DYRK1A: variants seen among roughly 807,000 people sequenced by gnomAD.
DYRK1A encodes the protein dual specificity tyrosine phosphorylation regulated kinase 1A, also known as dual specificity tyrosine-phosphorylation-regulated kinase 1A.
A neutral mutation model predicts 79.7 loss-of-function variants in DYRK1A; 9 were observed. The ratio of observed to expected loss-of-function variants is 0.11; its 90% CI spans 0.07 to 0.20. DYRK1A has a LOEUF of 0.20. Among genes scored for constraint, DYRK1A ranks in the 10% least tolerant of loss-of-function variants. DYRK1A has a pLI of 1.00. For missense variants in DYRK1A, 622 were observed against 956.0 expected (o/e 0.65, Z 4.61); for synonymous variants, 349 against 329.7 (o/e 1.06, Z -0.63).
At chr21:37,440,356 C>T (rs1289182682) in intron 2 of DYRK1A, among the ~76,000 whole-genome samples, 6 of 151,650 alleles carry the variant, frequency 4.0e-5, no homozygotes, top group Non-Finnish European at 8.8e-5. Context: ...AGGCTGGTCT[C>T]GAACTCCTGA....
intron 8 of DYRK1A, among the ~76,000 whole-genome samples, chr21:37,495,801 T>TA (rs199953541): frequency 2.6e-5 from 4 of 152,070 alleles, no homozygotes. Flanking sequence ...AATAAGTAAA[T>TA]AAAAAAAATT....
At chr21:37,393,709 CAATATT>C (rs989041939) in intron 1 of DYRK1A, among the ~76,000 whole-genome samples, 1 of 152,210 alleles carries the variant, frequency 6.6e-6, no homozygotes, top group African/African-American at 2.4e-5. Context: ...TGGCTTAAAA[CAATATT>C]CATTTCTTTG....
rs59747783 is a variant in DYRK1A, at chr21:37,446,235, A to G, written c.10+25851A>G. Reference sequence around the variant, plus strand: ...GGGCCTCTCAACGCTCTCATTTTGCATGTAATGGATTACATTGCTGTCTTA... The same window carrying G: ...GGGCCTCTCAACGCTCTCATTTTGCGTGTAATGGATTACATTGCTGTCTTA... On this transcript the variant is annotated intron_variant, in intron 2 of 11. Transcript: ENST00000647188. Among the ~76,000 whole-genome samples the G allele has an allele frequency of 9.4e-3, 1,429 of 152,342 alleles. 12 individuals are homozygous for G. Among genetic ancestry groups the G allele is most frequent in the Middle Eastern group, 0.041 (12 of 294 alleles).
At chr21:37,372,617 G>A (rs2049455583) in intron 1 of DYRK1A, among the ~76,000 whole-genome samples, 1 of 152,120 alleles carries the variant, frequency 6.6e-6, no homozygotes, top group African/African-American at 2.4e-5. Context: ...TCTGTTGGCT[G>A]TGTGACTTTA....
intron 4 of DYRK1A, among the ~76,000 whole-genome samples, chr21:37,480,332 AG>A (rs2052591831): frequency 6.6e-6 from 1 of 152,190 alleles, no homozygotes; most frequent in Non-Finnish European, 1.5e-5. Context: ...TGAACTCTTA[AG>A]ATCTGTGCCA....
intron 1 of DYRK1A, among the ~76,000 whole-genome samples, chr21:37,410,894 A>G (rs2050229708): frequency 6.6e-6 from 1 of 151,978 alleles, no homozygotes; most frequent in African/African-American, 2.4e-5. Flanking sequence ...CTAAAAATAG[A>G]AAAAATTATC....
chr21:37,408,995 G>A (rs1345962270), intron 1 of DYRK1A, among the ~76,000 whole-genome samples: 3 of 152,140 alleles, frequency 2.0e-5, no homozygotes, highest in South Asian at 2.1e-4. Context: ...GTTGTGCCAG[G>A]GTCATGTCTA....
At chr21:37,476,549 T>C (rs561785059) in intron 3 of DYRK1A, among the ~76,000 whole-genome samples, 1 of 152,236 alleles carries the variant, frequency 6.6e-6, no homozygotes, top group South Asian at 2.1e-4. Flanking sequence ...ATGAAAACAA[T>C]GCTGGGAACT....
chr21:37,392,666 C>T (rs1183919918), intron 1 of DYRK1A, among the ~76,000 whole-genome samples: 2 of 152,198 alleles, frequency 1.3e-5, no homozygotes, highest in Non-Finnish European at 2.9e-5. Context: ...CCAAAGGCTC[C>T]ACCTCTTAAT....
At chr21:37,482,088 G>A (rs1364684494) in intron 5 of DYRK1A, among the ~76,000 whole-genome samples, 2 of 152,108 alleles carry the variant, frequency 1.3e-5, no homozygotes, top group South Asian at 4.1e-4. Flanking sequence ...TTCCTAAATT[G>A]CCTTTTTTTG....
Position 37,505,293 on chromosome 21 carries a change from C to T in DYRK1A, c.1223C>T (p.Pro408Leu). 6.2e-7 allele frequency: 1 copy of T among 1,609,006 alleles called. No individual in the cohort carries two copies. Among genetic ancestry groups the T allele is most frequent in the South Asian group, 1.1e-5 (1 of 90,868 alleles). Reference sequence around the variant, plus strand: ...TCTTCTCTCTTACAGGAGTACAAACCACCAGGAACCCGTAAACTTCATAAC... The same window carrying T: ...TCTTCTCTCTTACAGGAGTACAAACTACCAGGAACCCGTAAACTTCATAAC... ...KTKDGKREYK[P>L]PGTRKLHNIL... The change falls in exon 10 of 12, where the codon CCA becomes CTA. Residue 408 changes from proline (P) to leucine (L), a missense_variant. Physicochemically the swap from Pro to Leu is moderately conservative, Grantham distance 98. Around this residue, in one of 5 missense-constraint regions of DYRK1A, gnomAD observed 80 missense variants for 116.5 expected, o/e 0.69. Coordinates refer to ENST00000647188, the MANE Select transcript of DYRK1A (RefSeq NM_001347721.2).
chr21:37,445,510 G>A (rs11700462), intron 2 of DYRK1A, among the ~76,000 whole-genome samples: 19,983 of 152,222 alleles, frequency 0.13, 1,423 homozygotes, highest in Non-Finnish European at 0.14. Context: ...GAGATACACA[G>A]TAAACATCTG....
rs148772062 is a variant in DYRK1A at position 37,455,801 on chromosome 21, A to G, written c.11-16883A>G. ...TTTGCCAGGTACCATTTTAAACATT[A>G]ACTCTTTACTGTTCTTAGTACCTTG... On this transcript the variant is annotated intron_variant, in intron 2 of 11. Coordinates refer to ENST00000647188, the MANE Select transcript of DYRK1A (RefSeq NM_001347721.2). Among the ~76,000 whole-genome samples, 102 of 152,288 alleles carry G rather than the reference A, an allele frequency of 6.7e-4. 1 individual carries two copies. Among genetic ancestry groups the G allele is most frequent in the Non-Finnish European group, 1.3e-3 (86 of 68,020 alleles).
rs1280546821 is a variant in DYRK1A at position 37,496,342 on chromosome 21, T to G, written c.1212+84T>G. The G allele has an allele frequency of 2.2e-6, 3 of 1,379,150 alleles. No homozygotes were observed. In the African/African-American group the frequency reaches 4.4e-5, roughly 20 times the overall value. 85.4% of individuals were successfully genotyped at this position (1,379,150 alleles called of 1,614,324 possible). ...TTTTATAGCTCATTTTGCATTTACT[T>G]GAAATCAGTGTGTTTCAGTTAACGA... On this transcript the variant is annotated intron_variant, in intron 9 of 11. Coordinates refer to ENST00000647188, the MANE Select transcript of DYRK1A (RefSeq NM_001347721.2).
rs565080496 is a variant in DYRK1A, at chr21:37,479,619, GT to G, written c.301-1002del. ...GTTTTTGTTTTTGTTTTTGTTTTTT[GT>G]TTTTTTTTTTTTTTTTGGAGACAGA... On this transcript the variant is annotated intron_variant, in intron 4 of 11. Coordinates refer to ENST00000647188, the MANE Select transcript of DYRK1A (RefSeq NM_001347721.2). 2.5e-3 allele frequency among the ~76,000 whole-genome samples: 182 copies of G among 73,918 alleles called. 5 individuals are homozygous for G. The highest frequency in any genetic ancestry group is 7.5e-3 in the African/African-American group (144 of 19,150). 48.5% of individuals were successfully genotyped at this position (73,918 alleles called of 152,430 possible). A position where few individuals can be genotyped will look rare whatever the true frequency, so the allele number is the denominator to read the frequency against.
At chr21:37,369,891 C>T (rs55904712) in intron 1 of DYRK1A, among the ~76,000 whole-genome samples, 4 of 152,124 alleles carry the variant, frequency 2.6e-5, no homozygotes, top group Non-Finnish European at 5.9e-5. Flanking sequence ...TGCAAGATAT[C>T]TAAAAATAAG....
At chr21:37,370,032 T>C (rs143075493) in intron 1 of DYRK1A, among the ~76,000 whole-genome samples, 1,652 of 152,318 alleles carry the variant, frequency 0.011, 17 homozygotes, top group Non-Finnish European at 0.018. Context: ...AAATATTGTC[T>C]GATGTTTGCT....
chr21:37,465,394 A>G (rs557543811), intron 2 of DYRK1A, among the ~76,000 whole-genome samples: 16 of 151,820 alleles, frequency 1.1e-4, no homozygotes, highest in African/African-American at 2.2e-4. Context: ...TCTATTGGGG[A>G]AAAAAAACCC....
chr21:37,457,992 G>T (rs2051709286), intron 2 of DYRK1A, among the ~76,000 whole-genome samples: 1 of 152,228 alleles, frequency 6.6e-6, no homozygotes, highest in Non-Finnish European at 1.5e-5. Flanking sequence ...TGGCATAGCT[G>T]AAGGTCTGAG....
Sources: allele counts gnomAD v4.1 joint callset (sites outside exome capture counted in the v4.1 genomes callset), GRCh38; gene constraint gnomAD v4.1.1; regional missense constraint gnomAD v4.1.1; transcripts MANE v1.5; gene names NCBI Gene and HGNC (gene_info 2026-07-23, HGNC 2026-07-21).